Variants in MICU3 observed in about 807,000 individuals in gnomAD.
MICU3 encodes the protein mitochondrial calcium uptake 3.
In MICU3, 62 loss-of-function variants were observed where a neutral mutation model predicts 66.5. That is an observed-to-expected ratio of 0.93 (90% CI 0.76 to 1.15). MICU3 has a LOEUF of 1.15. Among genes scored for constraint, MICU3 ranks in the 50% most tolerant of loss-of-function variants. The pLI, the probability that MICU3 is intolerant of heterozygous loss-of-function variation, is 0.00. For missense variants in MICU3, 779 were observed against 664.4 expected (o/e 1.17, Z -1.90); for synonymous variants, 308 against 240.7 (o/e 1.28, Z -2.59).
chr8:17,113,909 A>G (rs1788379074), intron 11 of MICU3, among the ~76,000 whole-genome samples, 184 bp from the exon 12 acceptor site: 1 of 152,138 alleles, frequency 6.6e-6, no homozygotes, highest in Non-Finnish European at 1.5e-5. Flanking sequence ...AGCACTACCC[A>G]GTGAAAGTAA....
chr8:17,056,102 T>C (rs1322142041), intron 1 of MICU3, among the ~76,000 whole-genome samples: 3 of 152,190 alleles, frequency 2.0e-5, no homozygotes, highest in African/African-American at 7.2e-5. Context: ...CCCTGTGATT[T>C]AGCCCCAGTC....
chr8:17,057,537 A>G (rs1479215805), intron 1 of MICU3, among the ~76,000 whole-genome samples: 1 of 152,166 alleles, frequency 6.6e-6, no homozygotes, highest in Non-Finnish European at 1.5e-5. Flanking sequence ...TAATAGCTAT[A>G]ATTTATAATT....
At chr8:17,057,835 CTTGTTGTTG>C (rs3988341) in intron 1 of MICU3, among the ~76,000 whole-genome samples, 2 of 150,526 alleles carry the variant, frequency 1.3e-5, no homozygotes, top group East Asian at 2.0e-4. Flanking sequence ...TGTTGTTGTT[CTTGTTGTTG>C]TTGTTGTTGT....
chr8:17,102,756 T>C (rs1190995683), intron 9 of MICU3: 1 of 151,954 alleles, frequency 6.6e-6, no homozygotes, highest in Non-Finnish European at 1.5e-5. Context: ...TACCTGGCTG[T>C]ATTTTTTTTC....
At chr8:17,090,027 C>A (rs1799878653) in intron 7 of MICU3, among the ~76,000 whole-genome samples, 1 of 152,066 alleles carries the variant, frequency 6.6e-6, no homozygotes, top group Admixed American at 6.6e-5. Flanking sequence ...GTTAATGTTA[C>A]TCCCCTTTAG....
chr8:17,068,272 T>C (rs1357331392), intron 2 of MICU3, among the ~76,000 whole-genome samples: 2 of 152,146 alleles, frequency 1.3e-5, no homozygotes, highest in Non-Finnish European at 2.9e-5. Flanking sequence ...AAAAAGATAA[T>C]AGTATTGAAC....
At chr8:17,091,807 G>A (rs1391752694) in intron 8 of MICU3, among the ~76,000 whole-genome samples, 1 of 152,156 alleles carries the variant, frequency 6.6e-6, no homozygotes, top group Non-Finnish European at 1.5e-5. Context: ...TCTGGAATGT[G>A]TAAGATGAAA....
intron 12 of MICU3, among the ~76,000 whole-genome samples, chr8:17,116,090 C>T (rs940968829): frequency 1.3e-5 from 2 of 152,152 alleles, no homozygotes; most frequent in East Asian, 3.9e-4. Context: ...TTTGTGTGGC[C>T]CCTGTAATGA....
the MICU3 span, among the ~76,000 whole-genome samples, chr8:17,138,280 A>G: frequency 2.0e-5 from 3 of 152,100 alleles, no homozygotes; most frequent in Non-Finnish European, 4.4e-5. Context: ...ATGTAAATGT[A>G]TGTAAAATAG....
chr8:17,123,495 A>G (rs1470520323), downstream of MICU3, among the ~76,000 whole-genome samples: 1 of 152,184 alleles, frequency 6.6e-6, no homozygotes, highest in East Asian at 1.9e-4. Context: ...AGTGCAAGTT[A>G]AAATGACAAC....
chr8:17,057,974 A>G (rs532239361), intron 1 of MICU3, among the ~76,000 whole-genome samples: 4 of 152,022 alleles, frequency 2.6e-5, no homozygotes, highest in East Asian at 1.9e-4. Flanking sequence ...CAGCTCCCCA[A>G]GTAGCTGAGA....
intron 1 of MICU3, among the ~76,000 whole-genome samples, chr8:17,062,396 T>C (rs931270044): frequency 6.6e-6 from 1 of 152,208 alleles, no homozygotes; most frequent in African/African-American, 2.4e-5. Context: ...ACACCACAAC[T>C]TCCATTTCTT....
rs375409276 is a variant in MICU3, at chr8:17,104,540, C to G, written c.1085+49C>G. The G allele has an allele frequency of 1.0e-5, 10 of 999,546 alleles. No individual in the cohort carries two copies. In the African/African-American group the frequency reaches 1.7e-4, roughly 17 times the overall value. 61.9% of individuals were successfully genotyped at this position (999,546 alleles called of 1,614,324 possible). On this transcript the variant is annotated intron_variant, in intron 10 of 14. Transcript: ENST00000318063. ...TTAAAAATTATTAGCCTACTGAAAT[C>G]AGAAGGATCTTTAGAAATTGTCTAG...
chr8:17,085,150 A>G (rs1038380029), intron 5 of MICU3, 86 bp from the exon 6 acceptor site: 18 of 824,200 alleles, frequency 2.2e-5, no homozygotes, highest in Non-Finnish European at 3.0e-5. Flanking sequence ...AATACAGAAT[A>G]TGAGTAACTT....
intron 8 of MICU3, among the ~76,000 whole-genome samples, chr8:17,094,214 T>C (rs1016920345): frequency 6.6e-6 from 1 of 152,056 alleles, no homozygotes; most frequent in Non-Finnish European, 1.5e-5. Flanking sequence ...GTTTCATCTA[T>C]GTTGTATGTA....
chr8:17,027,499 G>A lies in MICU3; in HGVS notation c.220G>A (p.Gly74Ser). The change falls in exon 1 of 15, where the codon GGC becomes AGC. Residue 74 changes from glycine (G) to serine (S), a missense_variant. Transcript: ENST00000318063. Reference protein sequence around the residue: ...WGELSVAAAAGGGLVGLVCYQ... With the variant: ...WGELSVAAAASGGLVGLVCYQ... ...GGAGCTGAGCGTGGCGGCGGCGGCC[G>A]GCGGGGGGCTGGTCGGCCTGGTATG... The A allele has an allele frequency of 7.8e-7, 1 of 1,282,578 alleles. No homozygotes were observed. The highest frequency in any genetic ancestry group is 9.8e-7 in the Non-Finnish European group (1 of 1,019,430). 79.4% of individuals were successfully genotyped at this position (1,282,578 alleles called of 1,614,324 possible).
At chr8:17,028,277 C>T (rs1432252919) in intron 1 of MICU3, among the ~76,000 whole-genome samples, 1 of 152,096 alleles carries the variant, frequency 6.6e-6, no homozygotes. Flanking sequence ...AGCCAGAATC[C>T]CGTTAGTAGG....
chr8:17,084,017 T>G (rs1213210619), intron 5 of MICU3, among the ~76,000 whole-genome samples: 3 of 152,034 alleles, frequency 2.0e-5, no homozygotes, highest in South Asian at 2.1e-4. Flanking sequence ...GCTGTGAAGC[T>G]TCCTTTGGAG....
chr8:17,125,013 T>C (rs975474709), downstream of MICU3, among the ~76,000 whole-genome samples: 1 of 152,188 alleles, frequency 6.6e-6, no homozygotes, highest in Non-Finnish European at 1.5e-5. Context: ...TAAAAACTCA[T>C]GGCATTCATT....
Sources: allele counts gnomAD v4.1 joint callset (sites outside exome capture counted in the v4.1 genomes callset), GRCh38; gene constraint gnomAD v4.1.1; transcripts MANE v1.5; gene names NCBI Gene and HGNC (gene_info 2026-07-23, HGNC 2026-07-21).